The following SLC35F4 variants were observed in gnomAD, a reference collection of about 807,000 sequenced individuals.
SLC35F4 encodes the protein solute carrier family 35 member F4.
Under a neutral mutation model 44.2 loss-of-function variants are expected in SLC35F4, and 24 were observed. The observed-to-expected ratio is 0.54, with a 90% CI of 0.39 to 0.76. The LOEUF (loss-of-function observed/expected upper bound fraction) is 0.76, where lower values mean the gene tolerates loss of function less well. Among genes scored for constraint, SLC35F4 ranks in the 30% least tolerant of loss-of-function variants. The pLI, the probability that SLC35F4 is intolerant of heterozygous loss-of-function variation, is 0.00. For synonymous variants in SLC35F4, 238 were observed against 223.6 expected, an observed-to-expected ratio of 1.06 and a Z score of -0.57; for missense variants, 562 against 586.1, an observed-to-expected ratio of 0.96 and a Z score of 0.42.
chr14:57,878,802 T>C (rs949924160), intron 1 of SLC35F4, among the ~76,000 whole-genome samples: 5 of 152,212 alleles, frequency 3.3e-5, no homozygotes, highest in African/African-American at 1.2e-4. Context: ...AGGCACTTCA[T>C]AGATATTTCC....
At chr14:57,612,996 C>T (rs1043080850) in intron 1 of SLC35F4, among the ~76,000 whole-genome samples, 3 of 152,184 alleles carry the variant, frequency 2.0e-5, no homozygotes, top group Non-Finnish European at 4.4e-5. Context: ...GGGATAGAGA[C>T]GTACTGATGG....
At position 57,786,440 on chromosome 14, in the gene SLC35F4, C is replaced by T. The variant is rs371824387; in HGVS notation, c.103+79283G>A. Among the ~76,000 whole-genome samples, 13 of 152,326 alleles carry T rather than the reference C, an allele frequency of 8.5e-5. 1 individual carries two copies. The South Asian group carries it at 1.5e-3, about 17-fold the overall frequency. On this transcript the variant is annotated intron_variant, in intron 1 of 7. Coordinates refer to ENST00000556826, the MANE Select transcript of SLC35F4 (RefSeq NM_001306087.2). ...AGCTGATGCTCTCTGGAAAGTGCCA[C>T]CTCCTCACAGGAGGCCAACTGGCAC...
intron 1 of SLC35F4, among the ~76,000 whole-genome samples, chr14:57,699,522 C>A (rs866338709): frequency 7.2e-5 from 11 of 152,200 alleles, no homozygotes; most frequent in Non-Finnish European, 1.5e-4. Context: ...CAGACATTCT[C>A]ACTTATTAAG....
intron 1 of SLC35F4, among the ~76,000 whole-genome samples, chr14:57,795,789 C>CAT (rs1555389725): frequency 6.6e-6 from 1 of 152,068 alleles, no homozygotes; most frequent in East Asian, 1.9e-4. Flanking sequence ...ACATCTTTCA[C>CAT]TTTTTTTTCC....
At chr14:57,611,125 C>T (rs1415161466) in intron 1 of SLC35F4, among the ~76,000 whole-genome samples, 1 of 152,142 alleles carries the variant, frequency 6.6e-6, no homozygotes, top group Non-Finnish European at 1.5e-5. Flanking sequence ...GCAGGAACTG[C>T]ACATGCAAAG....
chr14:57,752,255 T>A (rs544897980), intron 1 of SLC35F4, among the ~76,000 whole-genome samples: 1 of 152,244 alleles, frequency 6.6e-6, no homozygotes, highest in East Asian at 1.9e-4. Context: ...TCATAACAAT[T>A]CCCCAACTTA....
At position 57,581,117 on chromosome 14, in the gene SLC35F4, T is replaced by G. The variant is rs537614476; in HGVS notation, c.807+97A>C. 9.3e-6 allele frequency: 12 copies of G among 1,295,098 alleles called. No individual in the cohort carries two copies. The South Asian group carries it at 2.3e-4, about 25-fold the overall frequency. 80.2% of individuals were successfully genotyped at this position (1,295,098 alleles called of 1,614,324 possible). A position where few individuals can be genotyped will look rare whatever the true frequency, so the allele number is the denominator to read the frequency against. On this transcript the variant is annotated intron_variant, in intron 4 of 7. Coordinates refer to ENST00000556826, the MANE Select transcript of SLC35F4 (RefSeq NM_001306087.2). ...GTACTCAGAACAAGTGAGAAAAGTT[T>G]TACAGCAACTCCACGAAACAAAGCA...
Position 57,929,117 on chromosome 14 carries a change from G to A in SLC35F4, n.282+52796C>T, listed in dbSNP as rs184285460. Among the ~76,000 whole-genome samples, 72 of 152,316 alleles carry A rather than the reference G, an allele frequency of 4.7e-4. 1 individual carries two copies. The highest frequency in any genetic ancestry group is 3.0e-3 in the Admixed American group (46 of 15,308). ...GATTGTGAACCCCTGCAAGGGTGGT[G>A]GGCCTGGACTGAAAGAGATATGGTA... On this transcript the variant is annotated intron_variant and non_coding_transcript_variant, in intron 1 of 1. Transcript: ENST00000556568.
At chr14:57,908,377 C>T (rs577298506) in intron 1 of SLC35F4, among the ~76,000 whole-genome samples, 182 of 152,286 alleles carry the variant, frequency 1.2e-3, no homozygotes, top group African/African-American at 4.1e-3. Context: ...TACTGTCTTC[C>T]ACAATGGTTG....
chr14:57,950,666 TCTTTC>T (rs1890119299), intron 1 of SLC35F4, among the ~76,000 whole-genome samples: 1 of 116,724 alleles, frequency 8.6e-6, no homozygotes, highest in African/African-American at 3.8e-5. Context: ...TTGTTTCTTT[TCTTTC>T]TTTCTTTTTT....
intron 2 of SLC35F4, among the ~76,000 whole-genome samples, 196 bp from the exon 3 acceptor site, chr14:57,589,709 T>C (rs1300332368): frequency 6.6e-6 from 1 of 152,260 alleles, no homozygotes; most frequent in East Asian, 1.9e-4. Flanking sequence ...CTCTGCACAA[T>C]ACAGTAAGCA....
intron 1 of SLC35F4, among the ~76,000 whole-genome samples, chr14:57,785,493 A>G (rs2077733303): frequency 6.6e-6 from 1 of 152,196 alleles, no homozygotes; most frequent in Non-Finnish European, 1.5e-5. Flanking sequence ...TTAGCTCCAG[A>G]TAACTGTAAG....
At chr14:57,572,978 AC>A (rs2068590067) in intron 4 of SLC35F4, among the ~76,000 whole-genome samples, 1 of 139,296 alleles carries the variant, frequency 7.2e-6, no homozygotes, top group Non-Finnish European at 1.6e-5. Context: ...AGAAATTTAA[AC>A]CTACATGGTG....
At chr14:57,746,818 A>G (rs2076766791) in intron 1 of SLC35F4, among the ~76,000 whole-genome samples, 1 of 152,150 alleles carries the variant, frequency 6.6e-6, no homozygotes. Context: ...CCAGAAATGC[A>G]AAGTTAGAGA....
chr14:57,577,251 T>C (rs2068854237), intron 4 of SLC35F4, among the ~76,000 whole-genome samples: 1 of 152,216 alleles, frequency 6.6e-6, no homozygotes, highest in Non-Finnish European at 1.5e-5. Context: ...GTATATGCTA[T>C]ACCATGAAAG....
At chr14:57,624,786 G>A (rs1399303203) in intron 1 of SLC35F4, among the ~76,000 whole-genome samples, 1 of 152,064 alleles carries the variant, frequency 6.6e-6, no homozygotes, top group African/African-American at 2.4e-5. Context: ...AATAAACTAG[G>A]TATTGATGGA....
chr14:57,886,757 GA>G lies in SLC35F4; in HGVS notation n.282+95155del, dbSNP rs34781322. 5.9e-3 allele frequency among the ~76,000 whole-genome samples: 852 copies of G among 144,388 alleles called. 3 individuals are homozygous for G. Among genetic ancestry groups the G allele is most frequent in the Non-Finnish European group, 7.4e-3 (483 of 65,548 alleles). The allele number at this position is 144,388 out of a possible 152,430, so 94.7% of individuals were successfully genotyped here. A position where few individuals can be genotyped will look rare whatever the true frequency, so the allele number is the denominator to read the frequency against. On this transcript the variant is annotated intron_variant and non_coding_transcript_variant, in intron 1 of 1. Transcript: ENST00000556568. The stretch of plus-strand genomic sequence containing the variant: ...AGAGCTCTTTAGTAAGCTTTTGGCC[GA>G]AAAAAAAAAATGGGTCAATGAACTA...
At chr14:57,926,327 G>T (rs1020695191) in intron 1 of SLC35F4, among the ~76,000 whole-genome samples, 8 of 152,124 alleles carry the variant, frequency 5.3e-5, no homozygotes, top group Non-Finnish European at 8.8e-5. Context: ...TATTTCTATG[G>T]TTTTTTTAGA....
intron 1 of SLC35F4, among the ~76,000 whole-genome samples, chr14:57,728,733 G>C (rs146480384): frequency 6.6e-6 from 1 of 152,006 alleles, no homozygotes; most frequent in Admixed American, 6.6e-5. Flanking sequence ...AAAGTGCTGG[G>C]ATTACACGCA....
Sources: gnomAD v4.1 joint callset for allele counts (sites outside exome capture counted in the v4.1 genomes callset) on GRCh38, gnomAD v4.1.1 for gene constraint, MANE v1.5 for transcripts, NCBI Gene and HGNC (gene_info 2026-07-23, HGNC 2026-07-21) for gene names.